CCAR1: variants seen among roughly 807,000 people sequenced by gnomAD.
The protein encoded by CCAR1 is cell division cycle and apoptosis regulator protein 1.
Under a neutral mutation model 163.8 loss-of-function variants are expected in CCAR1, and 78 were observed. The observed-to-expected ratio is 0.48, with a 90% CI of 0.40 to 0.57. The LOEUF is 0.57. CCAR1 is among the 20% of genes least tolerant of loss of function. The pLI is 0.00. For synonymous variants in CCAR1, 443 were observed against 460.7 expected (o/e 0.96, Z 0.49); for missense variants, 1,019 against 1,365.2 (o/e 0.75, Z 4.00).
intron 6 of CCAR1, among the ~76,000 whole-genome samples, chr10:68,743,478 T>C (rs2056210929): frequency 6.6e-6 from 1 of 151,938 alleles, no homozygotes; most frequent in South Asian, 2.1e-4. Context: ...AGCTGTAATA[T>C]TGTATTTTTA....
In CCAR1 at chr10:68,792,211, A is replaced by G. The variant is rs749538018; in HGVS notation, c.*945A>G. ...CCTGATGTCAATGTTACTGCTTTCA[A>G]TTAATTTTTCTACTTTCCCAGAATA... is the stretch of plus-strand genomic sequence containing the variant. On this transcript the variant is annotated 3_prime_UTR_variant, in exon 25 of 25. Coordinates refer to ENST00000265872, the MANE Select transcript of CCAR1 (RefSeq NM_018237.4). 5.3e-5 allele frequency: 8 copies of G among 152,118 alleles called. No individual in the cohort carries two copies. Among genetic ancestry groups the G allele is most frequent in the Non-Finnish European group, 8.8e-5 (6 of 68,030 alleles). The allele number at this position is 152,118 out of a possible 1,614,324, so 9.4% of individuals were successfully genotyped here. A position where few individuals can be genotyped will look rare whatever the true frequency, so the allele number is the denominator to read the frequency against.
chr10:68,744,244 G>C (rs938868985), intron 6 of CCAR1, among the ~76,000 whole-genome samples: 1 of 152,310 alleles, frequency 6.6e-6, no homozygotes. Flanking sequence ...ATATTTCTGG[G>C]TAAACATAAC....
At chr10:68,728,477 A>G (rs2055981873) in intron 2 of CCAR1, among the ~76,000 whole-genome samples, 1 of 152,024 alleles carries the variant, frequency 6.6e-6, no homozygotes, top group Admixed American at 6.6e-5. Context: ...TGGTGTCTTC[A>G]ACTGCCTAAG....
At chr10:68,725,382 A>G (rs2055928120) in intron 2 of CCAR1, among the ~76,000 whole-genome samples, 1 of 143,848 alleles carries the variant, frequency 7.0e-6, no homozygotes, top group African/African-American at 2.5e-5. Context: ...TGAGCAGCAG[A>G]GTGAGACTCC....
At chr10:68,757,265 G>A in intron 14 of CCAR1, 29 bp from the exon 15 acceptor site, 1 of 1,126,924 alleles carries the variant, frequency 8.9e-7, no homozygotes, top group Non-Finnish European at 1.3e-6. Flanking sequence ...TTTCATAATA[G>A]TAATTACATT....
chr10:68,783,708 G>T (rs2056763501), intron 19 of CCAR1, among the ~76,000 whole-genome samples: 2 of 152,018 alleles, frequency 1.3e-5, no homozygotes, highest in African/African-American at 4.8e-5. Flanking sequence ...GCAGCCTGAA[G>T]ATGGGATGGA....
chr10:68,791,060 C>G (rs559941097), intron 24 of CCAR1, 147 bp from the exon 25 acceptor site: 17 of 451,970 alleles, frequency 3.8e-5, no homozygotes, highest in African/African-American at 3.5e-4. Context: ...GCTTCGTCAC[C>G]ATTAATTTTA....
In CCAR1 at chr10:68,750,295, AGCCTCT is replaced by A. The variant is rs375972424; in HGVS notation, c.1118+622_1118+627del. 6.2e-3 allele frequency among the ~76,000 whole-genome samples: 908 copies of A among 147,354 alleles called. 7 individuals are homozygous for A. The highest frequency in any genetic ancestry group is 0.022 in the African/African-American group (868 of 39,694). On this transcript the variant is annotated intron_variant, in intron 10 of 24. Coordinates refer to ENST00000265872, the MANE Select transcript of CCAR1 (RefSeq NM_018237.4). ...CAGTGGCATGATCTTAGCTCACTGCAGCCTCTGCCTCTGCCTCCTGGGTTCAAGCTA... is the reference window on the plus strand; with the variant it reads ...CAGTGGCATGATCTTAGCTCACTGCAGCCTCTGCCTCCTGGGTTCAAGCTA...
intron 2 of CCAR1, among the ~76,000 whole-genome samples, chr10:68,732,442 C>G (rs2056053383): frequency 6.6e-6 from 1 of 152,084 alleles, no homozygotes; most frequent in South Asian, 2.1e-4. Flanking sequence ...CTCTGCCTCC[C>G]TAGTTCAGGC....
intron 24 of CCAR1, among the ~76,000 whole-genome samples, chr10:68,790,164 G>T (rs1415828814): frequency 6.6e-6 from 1 of 151,892 alleles, no homozygotes; most frequent in South Asian, 2.1e-4. Context: ...GTCCAGCCTC[G>T]CCAACGTGGT....
intron 16 of CCAR1, among the ~76,000 whole-genome samples, chr10:68,761,840 G>GAC (rs2133379077): frequency 6.6e-6 from 1 of 152,064 alleles, no homozygotes; most frequent in South Asian, 2.1e-4. Flanking sequence ...GACCTCAGGT[G>GAC]ATCCGCTTAC....
intron 3 of CCAR1, among the ~76,000 whole-genome samples, chr10:68,737,534 A>G (rs946738945): frequency 3.9e-5 from 6 of 151,928 alleles, no homozygotes; most frequent in Non-Finnish European, 7.4e-5. Flanking sequence ...TGAATAGTCA[A>G]AATTTTTAAG....
intron 4 of CCAR1, 151 bp from the exon 5 acceptor site, chr10:68,740,478 C>G: frequency 1.6e-6 from 1 of 640,966 alleles, no homozygotes; most frequent in South Asian, 2.1e-5. Flanking sequence ...CAAGACTACC[C>G]TGGGCAACAT....
intron 19 of CCAR1, 107 bp from the exon 20 acceptor site, chr10:68,786,029 A>T: frequency 2.8e-6 from 2 of 709,940 alleles, no homozygotes; most frequent in Non-Finnish European, 5.0e-6. Flanking sequence ...TACACCCTCG[A>T]ACGCCTGGCC....
At chr10:68,733,657 A>G (rs571125232) in intron 2 of CCAR1, among the ~76,000 whole-genome samples, 10 of 152,080 alleles carry the variant, frequency 6.6e-5, no homozygotes, top group African/African-American at 2.4e-4. Flanking sequence ...AAGAATTTTT[A>G]AAATTTATTT....
chr10:68,747,135 CT>C (rs748115667), intron 6 of CCAR1, 25 bp from the exon 7 acceptor site: 67 of 1,194,712 alleles, frequency 5.6e-5, no homozygotes, highest in Middle Eastern at 2.0e-4. Flanking sequence ...TTATATTTAA[CT>C]TTTTTTTTCT....
intron 2 of CCAR1, among the ~76,000 whole-genome samples, chr10:68,725,268 A>G (rs1233935365): frequency 6.6e-6 from 1 of 152,118 alleles, no homozygotes; most frequent in Non-Finnish European, 1.5e-5. Flanking sequence ...GTTCGAGACC[A>G]GCTTGACCAA....
chr10:68,768,301 T>C (rs1347441337), intron 17 of CCAR1, among the ~76,000 whole-genome samples: 1 of 149,630 alleles, frequency 6.7e-6, no homozygotes, highest in Admixed American at 6.6e-5. Context: ...TATATGATGT[T>C]ATCTTTTTTT....
intron 21 of CCAR1, 103 bp downstream of exon 21, chr10:68,786,795 A>C: frequency 9.7e-7 from 1 of 1,027,470 alleles, no homozygotes; most frequent in Non-Finnish European, 1.4e-6. Flanking sequence ...ATATTAAAGC[A>C]ATATAAGGGC....
Sources: allele counts gnomAD v4.1 joint callset (sites outside exome capture counted in the v4.1 genomes callset), GRCh38; gene constraint gnomAD v4.1.1; transcripts MANE v1.5; gene names NCBI Gene and HGNC (gene_info 2026-07-23, HGNC 2026-07-21).